Variants in MARK1 observed in about 807,000 individuals in gnomAD.
The protein encoded by MARK1 is microtubule affinity regulating kinase 1, also known as serine/threonine-protein kinase MARK1.
In MARK1, 40 loss-of-function variants were observed where a neutral mutation model predicts 96.3. The observed-to-expected ratio is 0.42, with a 90% CI of 0.32 to 0.54. The LOEUF (loss-of-function observed/expected upper bound fraction) is 0.54, where lower values mean the gene tolerates loss of function less well. Ranked by LOEUF, MARK1 falls within the 20% of genes least tolerant of loss-of-function variation. MARK1 has a pLI of 0.16. For missense variants in MARK1, 719 were observed against 984.6 expected, an observed-to-expected ratio of 0.73 and a Z score of 3.61; for synonymous variants, 317 against 341.2, an observed-to-expected ratio of 0.93 and a Z score of 0.78.
In MARK1 at chr1:220,650,806, A is replaced by G; in HGVS notation, c.1571+86A>G. 53 of 884,456 alleles carry G rather than the reference A, an allele frequency of 6.0e-5. No individual in the cohort carries two copies. In the South Asian group the frequency reaches 8.0e-4, roughly 13 times the overall value. The allele number at this position is 884,456 out of a possible 1,614,324, so 54.8% of individuals were successfully genotyped here. On this transcript the variant is annotated intron_variant, in intron 14 of 17. Coordinates refer to ENST00000366917, the MANE Select transcript of MARK1 (RefSeq NM_018650.5). ...TGAAATGCCTGCAGCCGAATGGGTC[A>G]GGAGAAAAGCAGTTATTACATGAAA... is the stretch of plus-strand genomic sequence containing the variant.
chr1:220,604,250 C>T (rs1327826002), intron 6 of MARK1, 113 bp downstream of exon 6: 8 of 540,352 alleles, frequency 1.5e-5, no homozygotes, highest in Non-Finnish European at 2.2e-5. Flanking sequence ...AGAATTCCTG[C>T]TTTCTTATAT....
intron 14 of MARK1, among the ~76,000 whole-genome samples, chr1:220,651,454 C>A (rs1399270786): frequency 2.0e-5 from 3 of 152,186 alleles, no homozygotes; most frequent in Non-Finnish European, 4.4e-5. Context: ...AAATTGATTT[C>A]AGACTTATGA....
intron 13 of MARK1, among the ~76,000 whole-genome samples, chr1:220,645,214 A>C (rs370565176): frequency 1.6e-4 from 24 of 152,268 alleles, no homozygotes; most frequent in East Asian, 5.8e-4. Context: ...AAATAAGCAC[A>C]ATCAAATGAT....
chr1:220,551,837 A>G (rs1235518651), intron 1 of MARK1, among the ~76,000 whole-genome samples: 1 of 152,186 alleles, frequency 6.6e-6, no homozygotes. Flanking sequence ...ACCTCCTTCA[A>G]CTACTGATTC....
Position 220,662,387 on chromosome 1 carries a change from A to G in MARK1, c.*221A>G. On this transcript the variant is annotated 3_prime_UTR_variant, in exon 18 of 18. Transcript: ENST00000366917. ...AAAAGTAGGTTCACATGTACAGGTA[A>G]GTATATTGTGTATTTCTGTTCATTT... The G allele has an allele frequency of 2.0e-6, 1 of 508,786 alleles. No homozygotes were observed. Among genetic ancestry groups the G allele is most frequent in the South Asian group, 3.3e-5 (1 of 29,886 alleles). 31.5% of individuals were successfully genotyped at this position (508,786 alleles called of 1,614,324 possible).
At chr1:220,660,014 C>T (rs1408889092) in intron 17 of MARK1, among the ~76,000 whole-genome samples, 4 of 152,230 alleles carry the variant, frequency 2.6e-5, no homozygotes. Context: ...TCTCAAACTC[C>T]TGAGCTCATG....
intron 3 of MARK1, among the ~76,000 whole-genome samples, chr1:220,587,314 T>TTC (rs1664696883): frequency 9.7e-6 from 1 of 103,268 alleles, no homozygotes; most frequent in Non-Finnish European, 2.1e-5. Context: ...CCTCCCTCCC[T>TTC]CTCTCTCTCT....
chr1:220,635,734 A>C lies in MARK1; in HGVS notation c.1277-99A>C, dbSNP rs57586571. The C allele has an allele frequency of 8.9e-3, 10,728 of 1,198,994 alleles. 707 individuals carry two copies. The African/African-American group carries it at 0.15, about 16-fold the overall frequency. The allele number at this position is 1,198,994 out of a possible 1,614,324, so 74.3% of individuals were successfully genotyped here. On this transcript the variant is annotated intron_variant, in intron 12 of 17. Coordinates refer to ENST00000366917, the MANE Select transcript of MARK1 (RefSeq NM_018650.5). ...TTAATCTTCGTTCAGAGTTTAAAGC[A>C]TGCAAATATGGATAATTTTAATACA...
At chr1:220,594,547 C>G (rs981362228) in intron 3 of MARK1, among the ~76,000 whole-genome samples, 2 of 152,176 alleles carry the variant, frequency 1.3e-5, no homozygotes, top group South Asian at 2.1e-4. Flanking sequence ...TGAAAACTTA[C>G]GTCCACACAG....
At chr1:220,639,952 T>TC (rs1668178849) in intron 13 of MARK1, among the ~76,000 whole-genome samples, 2 of 152,246 alleles carry the variant, frequency 1.3e-5, no homozygotes, top group Admixed American at 1.3e-4. Context: ...TGCATTGTCT[T>TC]GTCTATTGGT....
At chr1:220,550,330 T>A (rs567370330) in intron 1 of MARK1, among the ~76,000 whole-genome samples, 3 of 152,312 alleles carry the variant, frequency 2.0e-5, no homozygotes, top group Admixed American at 1.3e-4. Flanking sequence ...AATAGTTTGA[T>A]GAGCTAGAAG....
chr1:220,625,722 G>A (rs909197499), intron 9 of MARK1: 5 of 425,650 alleles, frequency 1.2e-5, no homozygotes, highest in Non-Finnish European at 1.9e-5. Context: ...CTGATGGGAG[G>A]GATGGAAGGC....
At chr1:220,554,558 A>G (rs1370471923) in intron 1 of MARK1, among the ~76,000 whole-genome samples, 1 of 152,212 alleles carries the variant, frequency 6.6e-6, no homozygotes, top group Non-Finnish European at 1.5e-5. Flanking sequence ...ATTATGACAT[A>G]AGGGTAGAGG....
intron 11 of MARK1, among the ~76,000 whole-genome samples, chr1:220,635,075 A>G (rs1667873201): frequency 6.6e-6 from 1 of 152,194 alleles, no homozygotes; most frequent in Non-Finnish European, 1.5e-5. Flanking sequence ...TATTTAGCAC[A>G]GTGCCTAGTC....
intron 17 of MARK1, among the ~76,000 whole-genome samples, chr1:220,660,572 G>T (rs1476420333): frequency 1.3e-5 from 2 of 151,868 alleles, no homozygotes; most frequent in Non-Finnish European, 2.9e-5. Context: ...AAGTGAGATA[G>T]GTTAACAAGT....
rs369239420 is a variant in MARK1, at chr1:220,642,463, G to T, written c.1470+6437G>T. ...AGGAATCCCAGCAACTCCAGCCAGG[G>T]TCTTACAGACAGAACTCTCATCTCC... On this transcript the variant is annotated intron_variant, in intron 13 of 17. Coordinates refer to ENST00000366917, the MANE Select transcript of MARK1 (RefSeq NM_018650.5). Among the ~76,000 whole-genome samples the T allele has an allele frequency of 5.1e-4, 77 of 152,176 alleles. 1 individual carries two copies. Among genetic ancestry groups the T allele is most frequent in the Admixed American group, 1.0e-3 (16 of 15,284 alleles).
chr1:220,577,012 C>CT (rs1310740047), intron 1 of MARK1, among the ~76,000 whole-genome samples: 1 of 152,110 alleles, frequency 6.6e-6, no homozygotes, highest in Non-Finnish European at 1.5e-5. Flanking sequence ...TATCTCAGCA[C>CT]TTTGGGAGGC....
intron 6 of MARK1, among the ~76,000 whole-genome samples, chr1:220,608,677 T>G (rs750813066): frequency 4.6e-5 from 7 of 152,334 alleles, no homozygotes; most frequent in East Asian, 1.9e-4. Flanking sequence ...CTTTCATGCT[T>G]TCTCTTGTGG....
At chr1:220,604,025 A>C (rs755661920) in intron 5 of MARK1, 42 bp from the exon 6 acceptor site, 1 of 1,310,526 alleles carries the variant, frequency 7.6e-7, no homozygotes, top group Non-Finnish European at 1.1e-6. Context: ...TTAACCAAAA[A>C]TCTATGTATA....
Sources: gnomAD v4.1 joint callset for allele counts (sites outside exome capture counted in the v4.1 genomes callset) on GRCh38, gnomAD v4.1.1 for gene constraint, MANE v1.5 for transcripts, NCBI Gene and HGNC (gene_info 2026-07-23, HGNC 2026-07-21) for gene names.